Variants in FMNL2 observed in about 807,000 individuals in gnomAD.
The protein encoded by FMNL2 is formin-like protein 2.
In FMNL2, 51 loss-of-function variants were observed where a neutral mutation model predicts 130.2. That is an observed-to-expected ratio of 0.39 (90% CI 0.31 to 0.49). FMNL2 has a LOEUF of 0.49. FMNL2 is among the 20% of genes least tolerant of loss of function. The pLI is 0.85. For missense variants in FMNL2, 977 were observed against 1,316.2 expected, an observed-to-expected ratio of 0.74 and a Z score of 3.99; for synonymous variants, 465 against 467.1, an observed-to-expected ratio of 1.00 and a Z score of 0.06.
intron 12 of FMNL2, among the ~76,000 whole-genome samples, chr2:152,616,232 A>G (rs1388530381): frequency 1.3e-5 from 2 of 151,514 alleles, no homozygotes; most frequent in African/African-American, 2.4e-5. Context: ...CTCAGCCAAC[A>G]TTGCATGACC....
At chr2:152,448,569 C>T (rs1050400592) in intron 1 of FMNL2, among the ~76,000 whole-genome samples, 4 of 152,120 alleles carry the variant, frequency 2.6e-5, no homozygotes, top group East Asian at 1.9e-4. Flanking sequence ...TAAAACTCCT[C>T]GGGGTTTTCT....
intron 1 of FMNL2, among the ~76,000 whole-genome samples, chr2:152,483,255 C>T (rs1372833932): frequency 6.6e-6 from 1 of 152,044 alleles, no homozygotes; most frequent in African/African-American, 2.4e-5. Flanking sequence ...ATGTCTGTGT[C>T]ACTGTAGACC....
chr2:152,452,758 C>G (rs930352519), intron 1 of FMNL2, among the ~76,000 whole-genome samples: 1 of 135,594 alleles, frequency 7.4e-6, no homozygotes, highest in East Asian at 1.9e-4. Context: ...ATACCTTTGT[C>G]GAGGGCCCGA....
At chr2:152,453,142 C>T (rs1289556993) in intron 1 of FMNL2, among the ~76,000 whole-genome samples, 4 of 149,054 alleles carry the variant, frequency 2.7e-5, no homozygotes, top group African/African-American at 9.9e-5. Context: ...GCAGAGGTTG[C>T]AGCAAGCCAA....
At position 152,335,558 on chromosome 2, in the gene FMNL2, C is replaced by T; in HGVS notation, c.-46C>T. On this transcript the variant is annotated 5_prime_UTR_variant, in exon 1 of 26. Coordinates refer to ENST00000288670, the MANE Select transcript of FMNL2 (RefSeq NM_052905.4). ...GGGAGCTGTTCTGATTTCCGACGCG[C>T]ACGCTAGGGGCCCGGAGCAGCCCCC... is the stretch of plus-strand genomic sequence containing the variant. 7 of 1,508,722 alleles carry T rather than the reference C, an allele frequency of 4.6e-6. No individual in the cohort carries two copies. Among genetic ancestry groups the T allele is most frequent in the Non-Finnish European group, 6.3e-6 (7 of 1,112,502 alleles). The allele number at this position is 1,508,722 out of a possible 1,614,324, so 93.5% of individuals were successfully genotyped here. A position where few individuals can be genotyped will look rare whatever the true frequency, so the allele number is the denominator to read the frequency against.
At chr2:152,440,060 C>T (rs997955025) in intron 1 of FMNL2, among the ~76,000 whole-genome samples, 2 of 151,786 alleles carry the variant, frequency 1.3e-5, no homozygotes, top group African/African-American at 4.8e-5. Context: ...GGACGTGAAA[C>T]CCCTTTGGAT....
intron 1 of FMNL2, among the ~76,000 whole-genome samples, chr2:152,468,585 C>T (rs1161682377): frequency 3.3e-5 from 5 of 151,880 alleles, no homozygotes; most frequent in Admixed American, 1.3e-4. Flanking sequence ...GCATTTTTTC[C>T]CCTACTTCAT....
chr2:152,439,223 A>G (rs184520178), intron 1 of FMNL2, among the ~76,000 whole-genome samples: 1 of 152,254 alleles, frequency 6.6e-6, no homozygotes, highest in East Asian at 1.9e-4. Flanking sequence ...ATATATGAAA[A>G]TGGTCAAAAA....
intron 1 of FMNL2, among the ~76,000 whole-genome samples, chr2:152,467,085 C>A (rs906256484): frequency 2.0e-5 from 3 of 152,190 alleles, no homozygotes; most frequent in African/African-American, 7.2e-5. Context: ...TGGCTTGCTT[C>A]ACTGTGTTTC....
intron 1 of FMNL2, among the ~76,000 whole-genome samples, chr2:152,454,605 CTT>C (rs1291467833): frequency 6.6e-6 from 1 of 152,182 alleles, no homozygotes; most frequent in Non-Finnish European, 1.5e-5. Context: ...AGGTGACAAA[CTT>C]TGTCTATTTC....
In FMNL2 at chr2:152,470,851, G is replaced by A. The variant is rs998668143; in HGVS notation, c.118-51092G>A. Among the ~76,000 whole-genome samples, 6 of 152,222 alleles carry A rather than the reference G, an allele frequency of 3.9e-5. No homozygotes were observed. The South Asian group carries it at 8.3e-4, about 21-fold the overall frequency. On this transcript the variant is annotated intron_variant, in intron 1 of 25. Transcript: ENST00000288670. The stretch of plus-strand genomic sequence containing the variant: ...TAGCCAATTTAACATCTAGTCAAAG[G>A]TACTGTGGCTAAGGGATTAAATATG...
intron 9 of FMNL2, among the ~76,000 whole-genome samples, chr2:152,585,038 A>T (rs548516797): frequency 6.6e-6 from 1 of 152,348 alleles, no homozygotes; most frequent in South Asian, 2.1e-4. Context: ...AGTCTTAATT[A>T]CATGAATACA....
chr2:152,589,009 C>T (rs1439424605), intron 9 of FMNL2, among the ~76,000 whole-genome samples: 1 of 150,936 alleles, frequency 6.6e-6, no homozygotes, highest in East Asian at 1.9e-4. Flanking sequence ...TCCTTGGGCT[C>T]CTTTCTCCAC....
chr2:152,648,121 C>T lies in FMNL2; in HGVS notation c.*216C>T, dbSNP rs1683779515. On this transcript the variant is annotated 3_prime_UTR_variant, in exon 26 of 26. Coordinates refer to ENST00000288670, the MANE Select transcript of FMNL2 (RefSeq NM_052905.4). Reference sequence around the variant, plus strand: ...AAGTACCTGTTCAGATTAATCAAAGCAATAGGATTTGATTTGATTAGGTAT... The same window carrying T: ...AAGTACCTGTTCAGATTAATCAAAGTAATAGGATTTGATTTGATTAGGTAT... The T allele has an allele frequency of 6.0e-6, 3 of 496,908 alleles. No individual in the cohort carries two copies. Among genetic ancestry groups the T allele is most frequent in the Non-Finnish European group, 1.1e-5 (3 of 283,286 alleles). The allele number at this position is 496,908 out of a possible 1,614,324, so 30.8% of individuals were successfully genotyped here.
chr2:152,533,355 G>A (rs560557756), intron 2 of FMNL2, among the ~76,000 whole-genome samples: 15 of 152,120 alleles, frequency 9.9e-5, no homozygotes, highest in African/African-American at 3.4e-4. Context: ...AACTGTTTCA[G>A]CACAATTTAT....
intron 25 of FMNL2, among the ~76,000 whole-genome samples, chr2:152,644,872 GCA>G (rs1163210055): frequency 5.3e-5 from 8 of 152,158 alleles, no homozygotes; most frequent in Non-Finnish European, 1.0e-4. Flanking sequence ...AACCTCCTGG[GCA>G]CAGTTTTTGA....
At chr2:152,520,696 A>T (rs1194783828) in intron 1 of FMNL2, among the ~76,000 whole-genome samples, 1 of 152,190 alleles carries the variant, frequency 6.6e-6, no homozygotes, top group South Asian at 2.1e-4. Flanking sequence ...AGGCATACCA[A>T]TCTAGATGTT....
intron 1 of FMNL2, among the ~76,000 whole-genome samples, chr2:152,472,499 A>T (rs1452344641): frequency 6.6e-6 from 1 of 152,338 alleles, no homozygotes; most frequent in East Asian, 1.9e-4. Context: ...AAGGGAAGCT[A>T]CTTACAGTCT....
intron 3 of FMNL2, among the ~76,000 whole-genome samples, chr2:152,548,656 C>A (rs1304594184): frequency 3.3e-5 from 5 of 152,172 alleles, no homozygotes; most frequent in African/African-American, 9.7e-5. Context: ...TGTAATACAT[C>A]ATAGCCACGG....
Sources: gnomAD v4.1 joint callset for allele counts (sites outside exome capture counted in the v4.1 genomes callset) on GRCh38, gnomAD v4.1.1 for gene constraint, MANE v1.5 for transcripts, NCBI Gene and HGNC (gene_info 2026-07-23, HGNC 2026-07-21) for gene names.